CA2: variants seen among roughly 807,000 people sequenced by gnomAD.
CA2 encodes the protein carbonate dehydratase II.
A neutral mutation model predicts 27.8 loss-of-function variants in CA2; 23 were observed. The ratio of observed to expected loss-of-function variants is 0.83; its 90% CI spans 0.59 to 1.17. The LOEUF is 1.17. CA2 is among the 50% of genes most tolerant of loss of function. The pLI, the probability that CA2 is intolerant of heterozygous loss-of-function variation, is 0.00. For missense variants in CA2, 300 were observed against 314.7 expected (o/e 0.95, Z 0.35); for synonymous variants, 99 against 114.9 (o/e 0.86, Z 0.88).
At position 85,477,278 on chromosome 8, in the gene CA2, T is replaced by C; in HGVS notation, c.663+3T>C. ...CCATCAGCGTCAGCAGCGAGCAGGT[T>C]TGTTTTGTAATGACAGGTCTGTTTA... On this transcript the variant is annotated splice_donor_region_variant and intron_variant, in intron 6 of 6. Transcript: ENST00000285379. 5 of 1,614,066 alleles carry C rather than the reference T, an allele frequency of 3.1e-6. No individual in the cohort carries two copies. The highest frequency in any genetic ancestry group is 4.2e-6 in the Non-Finnish European group (5 of 1,179,960).
In CA2 at chr8:85,477,192, C is replaced by G; in HGVS notation, c.580C>G (p.Pro194Ala). Reference sequence around the variant, plus strand: ...TGAATCCTTGGATTACTGGACCTACCCAGGCTCACTGACCACCCCTCCTCT... The same window carrying G: ...TGAATCCTTGGATTACTGGACCTACGCAGGCTCACTGACCACCCCTCCTCT... ...LPESLDYWTY[P>A]GSLTTPPLLE... is the part of the protein sequence containing the mutation. Residue 194 changes from proline (P) to alanine (A), a missense_variant, in exon 6 of 7, where the codon CCA becomes GCA. Coordinates refer to ENST00000285379, the MANE Select transcript of CA2 (RefSeq NM_000067.3). 1.2e-6 allele frequency: 2 copies of G among 1,613,994 alleles called. No homozygotes were observed. The highest frequency in any genetic ancestry group is 1.7e-6 in the Non-Finnish European group (2 of 1,179,966).
At position 85,474,353 on chromosome 8, in the gene CA2, T is replaced by C. The variant is rs1563434519; in HGVS notation, c.381T>C (p.Tyr127=). The C allele has an allele frequency of 6.2e-7, 1 of 1,613,994 alleles. No homozygotes were observed. Among genetic ancestry groups the C allele is most frequent in the South Asian group, 1.1e-5 (1 of 91,092 alleles). Residue 127 remains tyrosine, a synonymous_variant, in exon 4 of 7, where the codon TAT becomes TAC. Transcript: ENST00000285379. ...ELHLVHWNTK[Y]GDFGKAVQQP... is the part of the protein sequence containing the mutation. ...ACTTGGTTCACTGGAACACCAAATA[T>C]GGGGATTTTGGGAAAGCTGTGCAGC...
intron 2 of CA2, among the ~76,000 whole-genome samples, chr8:85,472,034 G>C (rs1278426328): frequency 6.6e-6 from 1 of 151,944 alleles, no homozygotes; most frequent in Non-Finnish European, 1.5e-5. Context: ...AGCAGATCTG[G>C]CAGCCAGAGG....
intron 2 of CA2, among the ~76,000 whole-genome samples, chr8:85,468,709 G>A (rs750688202): frequency 5.9e-5 from 9 of 151,964 alleles, no homozygotes; most frequent in African/African-American, 2.2e-4. Context: ...GCAGTGAGCC[G>A]AGACCGCACC....
intron 4 of CA2, 67 bp from the exon 5 acceptor site, chr8:85,475,731 A>C: frequency 7.0e-7 from 1 of 1,434,394 alleles, no homozygotes; most frequent in Non-Finnish European, 9.8e-7. Context: ...GAGCTACCCA[A>C]ATAAAAATAA....
rs2130570917 is a variant in CA2, at chr8:85,481,046, G to A, written c.*257G>A. On this transcript the variant is annotated 3_prime_UTR_variant, in exon 7 of 7. Coordinates refer to ENST00000285379, the MANE Select transcript of CA2 (RefSeq NM_000067.3). ...ACACAGAATATAGGATAAGAAATAA[G>A]AATAAAGTACCTTGACTTTGTTCAC... The A allele has an allele frequency of 8.9e-6, 4 of 447,350 alleles. No individual in the cohort carries two copies. The highest frequency in any genetic ancestry group is 6.5e-5 in the South Asian group (3 of 46,042). 27.7% of individuals were successfully genotyped at this position (447,350 alleles called of 1,614,324 possible).
Position 85,473,012 on chromosome 8 carries a change from AT to A in CA2, c.233-680del, listed in dbSNP as rs1455163856. ...CTGTTTCAAAATAATAATAATAATA[AT>A]AAATAAATAAATAAATAAATAAATA... On this transcript the variant is annotated intron_variant, in intron 2 of 6. Coordinates refer to ENST00000285379, the MANE Select transcript of CA2 (RefSeq NM_000067.3). 2.2e-4 allele frequency among the ~76,000 whole-genome samples: 4 copies of A among 17,790 alleles called. No individual in the cohort carries two copies. In the Admixed American group the frequency reaches 2.5e-3, roughly 11 times the overall value. 11.7% of individuals were successfully genotyped at this position (17,790 alleles called of 152,430 possible).
At chr8:85,471,525 A>G (rs1245583422) in intron 2 of CA2, among the ~76,000 whole-genome samples, 1 of 152,152 alleles carries the variant, frequency 6.6e-6, no homozygotes, top group Non-Finnish European at 1.5e-5. Context: ...AGAAACAGCA[A>G]TAAACTTTAT....
Position 85,464,032 on chromosome 8 carries a change from G to A in CA2, c.-50G>A, listed in dbSNP as rs1169542156. 2 of 1,535,408 alleles carry A rather than the reference G, an allele frequency of 1.3e-6. No homozygotes were observed. The highest frequency in any genetic ancestry group is 4.9e-5 in the East Asian group (2 of 40,694). Reference sequence around the variant, plus strand: ...ACACAGTGCAGGCGCCCAAGCCGCCGCCGCCAGATCGGTGCCGATTCCTGC... The same window carrying A: ...ACACAGTGCAGGCGCCCAAGCCGCCACCGCCAGATCGGTGCCGATTCCTGC... On this transcript the variant is annotated 5_prime_UTR_variant, in exon 1 of 7. Coordinates refer to ENST00000285379, the MANE Select transcript of CA2 (RefSeq NM_000067.3).
intron 2 of CA2, among the ~76,000 whole-genome samples, chr8:85,467,203 T>C (rs767096390): frequency 6.6e-6 from 1 of 152,228 alleles, no homozygotes; most frequent in Non-Finnish European, 1.5e-5. Flanking sequence ...AAATAAATTA[T>C]TCTAGTAATA....
At chr8:85,472,363 A>G (rs1811724113) in intron 2 of CA2, among the ~76,000 whole-genome samples, 1 of 152,210 alleles carries the variant, frequency 6.6e-6, no homozygotes, top group Non-Finnish European at 1.5e-5. Flanking sequence ...GTTAAATCCC[A>G]TTAATACATA....
intron 6 of CA2, among the ~76,000 whole-genome samples, chr8:85,477,543 C>CT (rs1811822092): frequency 1.2e-5 from 1 of 85,334 alleles, no homozygotes; most frequent in Admixed American, 1.0e-4. Context: ...CTAATAAATG[C>CT]CTTTTTTTTT....
intron 6 of CA2, among the ~76,000 whole-genome samples, chr8:85,477,591 G>A (rs1462919913): frequency 1.3e-5 from 2 of 150,128 alleles, no homozygotes; most frequent in East Asian, 3.9e-4. Context: ...TTAGAAAAGT[G>A]AGAGTTCATA....
chr8:85,473,296 G>T (rs1811737002), intron 2 of CA2: 5 of 401,514 alleles, frequency 1.2e-5, no homozygotes, highest in South Asian at 9.1e-5. Flanking sequence ...GCCAGTAGCT[G>T]CATGGGCACT....
chr8:85,468,898 A>G (rs1811671696), intron 2 of CA2, among the ~76,000 whole-genome samples: 1 of 151,924 alleles, frequency 6.6e-6, no homozygotes, highest in South Asian at 2.1e-4. Context: ...GAATAGAGAT[A>G]CTCTAGTTAA....
In CA2 at chr8:85,480,856, T is replaced by G; in HGVS notation, c.*67T>G. ...GTTTCCCTTTAGCTAAGCACAGATCTACCTTGGTGATTTGGACCCTGGTTG... is the reference window on the plus strand; with the variant it reads ...GTTTCCCTTTAGCTAAGCACAGATCGACCTTGGTGATTTGGACCCTGGTTG... On this transcript the variant is annotated 3_prime_UTR_variant, in exon 7 of 7. Transcript: ENST00000285379. 6.4e-7 allele frequency: 1 copy of G among 1,567,150 alleles called. No homozygotes were observed. Among genetic ancestry groups the G allele is most frequent in the Non-Finnish European group, 8.8e-7 (1 of 1,140,112 alleles).
intron 1 of CA2, 89 bp from the exon 2 acceptor site, chr8:85,465,183 C>A: frequency 9.5e-7 from 1 of 1,050,258 alleles, no homozygotes; most frequent in South Asian, 1.3e-5. Context: ...TGGAACTGAG[C>A]AGATTGGCTC....
Position 85,477,396 on chromosome 8 carries a change from A to G in CA2, c.663+121A>G. Reference sequence around the variant, plus strand: ...CTTCTCCTGCTACTTCTTGCTATGGAAATAGTGCCTTTGATGGTGCCTAGC... The same window carrying G: ...CTTCTCCTGCTACTTCTTGCTATGGGAATAGTGCCTTTGATGGTGCCTAGC... On this transcript the variant is annotated intron_variant, in intron 6 of 6. Coordinates refer to ENST00000285379, the MANE Select transcript of CA2 (RefSeq NM_000067.3). 2.7e-6 allele frequency: 3 copies of G among 1,120,746 alleles called. No individual in the cohort carries two copies. The Admixed American group carries it at 5.1e-5, about 19-fold the overall frequency. The allele number at this position is 1,120,746 out of a possible 1,614,324, so 69.4% of individuals were successfully genotyped here.
intron 1 of CA2, 31 bp downstream of exon 1, chr8:85,464,146 G>A (rs944258060): frequency 5.3e-6 from 8 of 1,512,458 alleles, no homozygotes; most frequent in African/African-American, 2.8e-5. Flanking sequence ...GCGCGGGGGC[G>A]CCCCGATCCC....
Sources: allele counts gnomAD v4.1 joint callset (sites outside exome capture counted in the v4.1 genomes callset), GRCh38; gene constraint gnomAD v4.1.1; transcripts MANE v1.5; gene names NCBI Gene and HGNC (gene_info 2026-07-23, HGNC 2026-07-21).